The following FTO variants were observed in gnomAD, a reference collection of about 807,000 sequenced individuals.
FTO encodes alpha-ketoglutarate-dependent dioxygenase FTO.
In FTO, 47 loss-of-function variants were observed where a neutral mutation model predicts 63.9. The ratio of observed to expected loss-of-function variants is 0.74; its 90% CI spans 0.58 to 0.94. The LOEUF (loss-of-function observed/expected upper bound fraction) is 0.94, where lower values mean the gene tolerates loss of function less well. FTO is among the 40% of genes least tolerant of loss of function. FTO has a pLI of 0.00. For synonymous variants in FTO, 207 were observed against 224.4 expected (o/e 0.92, Z 0.69); for missense variants, 562 against 618.1 (o/e 0.91, Z 0.96).
At chr16:53,743,767 A>T (rs1194489417) in intron 1 of FTO, among the ~76,000 whole-genome samples, 1 of 151,880 alleles carries the variant, frequency 6.6e-6, no homozygotes, top group Non-Finnish European at 1.5e-5. Context: ...TATAATCCTC[A>T]TAGGAACCCT....
intron 1 of FTO, among the ~76,000 whole-genome samples, chr16:53,772,306 C>T (rs563621080): frequency 2.7e-4 from 41 of 152,096 alleles, no homozygotes; most frequent in African/African-American, 9.6e-4. Context: ...TTTCTCTTCT[C>T]TCTTTTTGTA....
chr16:53,893,263 T>C (rs901715387), intron 7 of FTO, among the ~76,000 whole-genome samples: 2 of 152,190 alleles, frequency 1.3e-5, no homozygotes, highest in Non-Finnish European at 1.5e-5. Flanking sequence ...TATAACACTA[T>C]AATACTATTC....
chr16:54,004,205 C>G (rs1281120382), intron 8 of FTO, among the ~76,000 whole-genome samples: 1 of 152,022 alleles, frequency 6.6e-6, no homozygotes, highest in Non-Finnish European at 1.5e-5. Flanking sequence ...TAGCATGGTA[C>G]GTCTTTAGGG....
chr16:53,738,224 G>A (rs1392258970), intron 1 of FTO, among the ~76,000 whole-genome samples: 1 of 152,098 alleles, frequency 6.6e-6, no homozygotes. Flanking sequence ...GTTTCTCCAT[G>A]TTGGTCAGGC....
chr16:54,086,080 G>C (rs936945182), intron 8 of FTO, among the ~76,000 whole-genome samples: 3 of 152,140 alleles, frequency 2.0e-5, no homozygotes, highest in African/African-American at 4.8e-5. Context: ...GCCTAATTCA[G>C]ATTTTTTTTA....
At chr16:53,742,327 A>G (rs1266596421) in intron 1 of FTO, among the ~76,000 whole-genome samples, 15 of 152,184 alleles carry the variant, frequency 9.9e-5, no homozygotes, top group Admixed American at 9.8e-4. Context: ...GAACTATGCC[A>G]TATGGCCACC....
intron 1 of FTO, among the ~76,000 whole-genome samples, chr16:53,772,079 T>A (rs1297842002): frequency 6.6e-6 from 1 of 152,122 alleles, no homozygotes; most frequent in African/African-American, 2.4e-5. Flanking sequence ...GCTTGTATAC[T>A]TTTTTGAAGG....
At chr16:53,851,701 G>A (rs59215404) in intron 4 of FTO, among the ~76,000 whole-genome samples, 6,629 of 151,994 alleles carry the variant, frequency 0.044, 585 homozygotes, top group East Asian at 0.4. Flanking sequence ...TTACTCTAGT[G>A]TTTGTTTTTT....
At chr16:54,056,656 C>T (rs1235370457) in intron 8 of FTO, among the ~76,000 whole-genome samples, 2 of 152,196 alleles carry the variant, frequency 1.3e-5, no homozygotes, top group Non-Finnish European at 2.9e-5. Flanking sequence ...CTCCAGCCAA[C>T]AGCCATGTCG....
chr16:54,048,258 A>G (rs1298930802), intron 8 of FTO, among the ~76,000 whole-genome samples: 3 of 15,462 alleles, frequency 1.9e-4, no homozygotes, highest in East Asian at 0.012. Flanking sequence ...AAATACTTGA[A>G]AAAAAAAAAA....
chr16:53,964,447 A>G (rs2083152077), intron 8 of FTO, among the ~76,000 whole-genome samples: 1 of 152,200 alleles, frequency 6.6e-6, no homozygotes, highest in Non-Finnish European at 1.5e-5. Context: ...AATATGTTGT[A>G]TTCTTTTTTC....
rs966684652 is a variant in FTO, at chr16:54,057,775, T to C, written c.1365-53987T>C. ...CCCGATATATAAATGCAAGTTTCAC[T>C]GTGGCTTGAGTCTGAACATGGTTGG... On this transcript the variant is annotated intron_variant, in intron 8 of 8. Transcript: ENST00000471389. Among the ~76,000 whole-genome samples, 3 of 152,312 alleles carry C rather than the reference T, an allele frequency of 2.0e-5. No homozygotes were observed. The East Asian group carries it at 5.8e-4, about 29-fold the overall frequency.
At chr16:54,074,913 A>AGTGT (rs1248976108) in intron 8 of FTO, among the ~76,000 whole-genome samples, 200 of 125,142 alleles carry the variant, frequency 1.6e-3, no homozygotes, top group South Asian at 9.0e-3. Flanking sequence ...AGAGAGAGAG[A>AGTGT]GAGAGTGTGT....
At chr16:53,772,194 C>G (rs1200756291) in intron 1 of FTO, among the ~76,000 whole-genome samples, 1 of 151,978 alleles carries the variant, frequency 6.6e-6, no homozygotes, top group East Asian at 1.9e-4. Context: ...TCGTTTCTGA[C>G]CTCTTCCCCT....
intron 8 of FTO, among the ~76,000 whole-genome samples, chr16:53,968,285 T>A (rs1034090276): frequency 9.2e-5 from 14 of 152,200 alleles, no homozygotes; most frequent in Non-Finnish European, 1.8e-4. Flanking sequence ...AACATCACAG[T>A]GCAGAAGCAG....
At chr16:54,074,002 A>C (rs1005624495) in intron 8 of FTO, among the ~76,000 whole-genome samples, 2 of 152,066 alleles carry the variant, frequency 1.3e-5, no homozygotes, top group Non-Finnish European at 2.9e-5. Context: ...TGGGTGTCTT[A>C]TAGTCTGTCC....
chr16:54,081,157 T>C (rs2086130708), intron 8 of FTO, among the ~76,000 whole-genome samples: 1 of 152,036 alleles, frequency 6.6e-6, no homozygotes, highest in African/African-American at 2.4e-5. Context: ...TCCCCAGGTA[T>C]GGCAAGGGTA....
At chr16:53,828,693 C>T (rs1380057726) in intron 3 of FTO, among the ~76,000 whole-genome samples, 3 of 152,144 alleles carry the variant, frequency 2.0e-5, no homozygotes, top group Non-Finnish European at 4.4e-5. Flanking sequence ...TATTGCTATC[C>T]TCATTTTACA....
intron 1 of FTO, among the ~76,000 whole-genome samples, chr16:53,804,837 A>C (rs1006397180): frequency 2.0e-5 from 3 of 149,432 alleles, no homozygotes; most frequent in Admixed American, 1.3e-4. Flanking sequence ...CTGGTCTTGA[A>C]CTCCTGGCCT....
Sources: gnomAD v4.1 joint callset for allele counts (sites outside exome capture counted in the v4.1 genomes callset) on GRCh38, gnomAD v4.1.1 for gene constraint, MANE v1.5 for transcripts, NCBI Gene and HGNC (gene_info 2026-07-23, HGNC 2026-07-21) for gene names.